LARGE1: variants seen among roughly 807,000 people sequenced by gnomAD.
LARGE1 encodes LARGE xylosyl- and glucuronyltransferase 1, also known as xylosyl- and glucuronyltransferase LARGE1.
LARGE1 carries 43 observed loss-of-function variants against 87.6 expected under a neutral mutation model. The ratio of observed to expected loss-of-function variants is 0.49; its 90% CI spans 0.38 to 0.63. LARGE1 has a LOEUF of 0.63. Ranked by LOEUF, LARGE1 falls within the 30% of genes least tolerant of loss-of-function variation. The probability of loss-of-function intolerance (pLI) is 0.00; values close to 1 mark genes in which losing one functional copy is unlikely to be tolerated. For missense variants in LARGE1, 802 were observed against 1,000.2 expected (o/e 0.80, Z 2.67); for synonymous variants, 434 against 394.6 (o/e 1.10, Z -1.18).
rs181014169 is a variant in LARGE1, at chr22:33,722,631, G to A, written c.106+38740C>T. 7.2e-5 allele frequency among the ~76,000 whole-genome samples: 11 copies of A among 152,232 alleles called. No homozygotes were observed. In the East Asian group the frequency reaches 2.1e-3, roughly 29 times the overall value. On this transcript the variant is annotated intron_variant, in intron 2 of 14. Coordinates refer to ENST00000397394, the MANE Select transcript of LARGE1 (RefSeq NM_133642.5). Reference sequence around the variant, plus strand: ...TGAACACTCAAAAACATCCAACAGAGTCACAGCAGAAGGCACGTTATAGTA... The same window carrying A: ...TGAACACTCAAAAACATCCAACAGAATCACAGCAGAAGGCACGTTATAGTA...
At chr22:33,714,484 GACA>G (rs1433733595) in intron 2 of LARGE1, among the ~76,000 whole-genome samples, 1 of 152,142 alleles carries the variant, frequency 6.6e-6, no homozygotes, top group Non-Finnish European at 1.5e-5. Flanking sequence ...TGAGATAAAA[GACA>G]ACACATAATC....
intron 11 of LARGE1, among the ~76,000 whole-genome samples, chr22:33,250,163 G>A (rs897908075): frequency 8.5e-5 from 13 of 152,258 alleles, no homozygotes; most frequent in Non-Finnish European, 1.9e-4. Flanking sequence ...TCCTATTCAT[G>A]TACATATCTC....
intron 4 of LARGE1, among the ~76,000 whole-genome samples, chr22:33,611,335 C>T (rs1367073529): frequency 6.6e-6 from 1 of 152,260 alleles, no homozygotes; most frequent in Non-Finnish European, 1.5e-5. Context: ...CAGGAGTGTT[C>T]CTGCCCAAGG....
At chr22:33,613,287 G>A (rs1171570439) in intron 4 of LARGE1, among the ~76,000 whole-genome samples, 1 of 152,104 alleles carries the variant, frequency 6.6e-6, no homozygotes, top group Non-Finnish European at 1.5e-5. Flanking sequence ...CCTGATAGTG[G>A]CCTTTTCCTT....
intron 5 of LARGE1, among the ~76,000 whole-genome samples, chr22:33,596,959 G>A (rs745654460): frequency 1.3e-5 from 2 of 152,222 alleles, no homozygotes. Flanking sequence ...GGGGGATTCA[G>A]AAGGCCACAC....
At chr22:33,438,151 CT>C (rs1463757629) in intron 6 of LARGE1, among the ~76,000 whole-genome samples, 2 of 152,148 alleles carry the variant, frequency 1.3e-5, no homozygotes, top group Non-Finnish European at 2.9e-5. Flanking sequence ...CATCTAAATC[CT>C]GGTCTCCAGA....
intron 2 of LARGE1, among the ~76,000 whole-genome samples, chr22:33,745,300 A>G (rs2084038953): frequency 6.6e-6 from 1 of 152,154 alleles, no homozygotes; most frequent in Non-Finnish European, 1.5e-5. Flanking sequence ...GACTGGTGAG[A>G]GCAAAATGAA....
At chr22:33,295,260 C>T (rs1041834944) in intron 12 of LARGE1, among the ~76,000 whole-genome samples, 10 of 152,124 alleles carry the variant, frequency 6.6e-5, no homozygotes. Context: ...TGGGCATGAA[C>T]CAGTGAGCTA....
chr22:33,183,226 A>G (rs1333638219), intron 11 of LARGE1, among the ~76,000 whole-genome samples: 2 of 152,168 alleles, frequency 1.3e-5, no homozygotes, highest in Non-Finnish European at 1.5e-5. Context: ...TAGATGAAAA[A>G]ATGATCAACA....
chr22:33,825,657 T>C (rs970199959), intron 1 of LARGE1, among the ~76,000 whole-genome samples: 1 of 152,106 alleles, frequency 6.6e-6, no homozygotes, highest in African/African-American at 2.4e-5. Flanking sequence ...CTTGATTCAA[T>C]TACCTCCCAC....
At position 33,299,568 on chromosome 22, in the gene LARGE1, C is replaced by T. The variant is rs58193725; in HGVS notation, c.1730+4661G>A. Among the ~76,000 whole-genome samples, 360 of 151,836 alleles carry T rather than the reference C, an allele frequency of 2.4e-3. 2 individuals are homozygous for T. The highest frequency in any genetic ancestry group is 7.5e-3 in the African/African-American group (309 of 41,390). On this transcript the variant is annotated intron_variant, in intron 12 of 14. Transcript: ENST00000397394. ...CAGAAGGTGGCAGAGTTTGCAATGG[C>T]GGGGGTTGGGTTGGGGCAGGGGCCT...
At chr22:33,526,170 A>G (rs1300225721) in intron 6 of LARGE1, among the ~76,000 whole-genome samples, 1 of 152,252 alleles carries the variant, frequency 6.6e-6, no homozygotes, top group African/African-American at 2.4e-5. Context: ...AGGTTGAAAG[A>G]AGCTACAAAA....
chr22:33,598,604 A>T (rs902754477), intron 5 of LARGE1, among the ~76,000 whole-genome samples: 1 of 150,450 alleles, frequency 6.6e-6, no homozygotes, highest in Admixed American at 6.6e-5. Flanking sequence ...ACTCCCACTT[A>T]TGAGTGAGAA....
chr22:33,281,232 G>A (rs1000078145), intron 13 of LARGE1, among the ~76,000 whole-genome samples: 22 of 152,188 alleles, frequency 1.4e-4, no homozygotes, highest in African/African-American at 4.8e-4. Flanking sequence ...ATGAGTTCTC[G>A]GTTCACTGTG....
rs9621760 is a variant in LARGE1, at chr22:33,731,462, C to T, written c.106+29909G>A. On this transcript the variant is annotated intron_variant, in intron 2 of 14. Transcript: ENST00000397394. The stretch of plus-strand genomic sequence containing the variant: ...AGGAAAGGGAATGGCTAGTTGTATT[C>T]GTCAGAGCTGTAGCAGGAAAAAGAT... 4.6e-3 allele frequency among the ~76,000 whole-genome samples: 695 copies of T among 152,182 alleles called. 7 individuals carry two copies. The highest frequency in any genetic ancestry group is 0.016 in the African/African-American group (658 of 41,522).
intron 10 of LARGE1, among the ~76,000 whole-genome samples, chr22:33,317,844 G>A (rs1021277122): frequency 6.6e-6 from 1 of 152,188 alleles, no homozygotes; most frequent in Non-Finnish European, 1.5e-5. Context: ...GAAGAGGCAA[G>A]AGAGGGCTGG....
At chr22:33,320,523 G>T (rs1478379008) in intron 10 of LARGE1, among the ~76,000 whole-genome samples, 1 of 152,174 alleles carries the variant, frequency 6.6e-6, no homozygotes, top group African/African-American at 2.4e-5. Context: ...CTTTCCCGGT[G>T]AGACTGTGAC....
intron 9 of LARGE1, among the ~76,000 whole-genome samples, chr22:33,376,609 T>C (rs1325257293): frequency 6.6e-6 from 1 of 152,252 alleles, no homozygotes; most frequent in Admixed American, 6.5e-5. Flanking sequence ...TAACAAAGCC[T>C]ACCTTTTTCA....
rs905316309 is a variant in LARGE1, at chr22:33,273,032, G to A, written c.*1395C>T. 29 of 179,176 alleles carry A rather than the reference G, an allele frequency of 1.6e-4. No individual in the cohort carries two copies. Among genetic ancestry groups the A allele is most frequent in the African/African-American group, 6.8e-4 (29 of 42,532 alleles). 11.1% of individuals were successfully genotyped at this position (179,176 alleles called of 1,614,324 possible). The stretch of plus-strand genomic sequence containing the variant: ...TATCCACTGCAATTTAGCTCTCTAT[G>A]TCAAGGTGTGTCTCAGTAGCTTCCT... On this transcript the variant is annotated 3_prime_UTR_variant, in exon 15 of 15. Transcript: ENST00000397394.
Sources: allele counts gnomAD v4.1 joint callset (sites outside exome capture counted in the v4.1 genomes callset), GRCh38; gene constraint gnomAD v4.1.1; transcripts MANE v1.5; gene names NCBI Gene and HGNC (gene_info 2026-07-23, HGNC 2026-07-21).